GRM7: variants seen among roughly 807,000 people sequenced by gnomAD.
The protein encoded by GRM7 is metabotropic glutamate receptor 7.
In GRM7, 35 loss-of-function variants were observed where a neutral mutation model predicts 84.5. The ratio of observed to expected loss-of-function variants is 0.41; its 90% CI spans 0.32 to 0.55. GRM7 has a LOEUF of 0.55. Among genes scored for constraint, GRM7 ranks in the 20% least tolerant of loss-of-function variants. The pLI is 0.19. For synonymous variants in GRM7, 487 were observed against 455.1 expected (o/e 1.07, Z -0.89); for missense variants, 1,003 against 1,194.6 (o/e 0.84, Z 2.36).
At chr3:7,518,840 C>T (rs920834320) in intron 7 of GRM7, among the ~76,000 whole-genome samples, 2 of 152,180 alleles carry the variant, frequency 1.3e-5, no homozygotes, top group Non-Finnish European at 2.9e-5. Context: ...GAAAACTAGA[C>T]CTCTGATTAA....
In GRM7 at chr3:7,719,190, G is replaced by A. The variant is rs1457955602; in HGVS notation, c.2699-21167G>A. The stretch of plus-strand genomic sequence containing the variant: ...CCCTAGTAACACAACAACCCTGCTT[G>A]TCCTAGACAGCCTGGATATTAAGAA... On this transcript the variant is annotated intron_variant, in intron 9 of 9. Coordinates refer to ENST00000357716, the MANE Select transcript of GRM7 (RefSeq NM_000844.4). Among the ~76,000 whole-genome samples the A allele has an allele frequency of 1.3e-5, 2 of 152,078 alleles. 1 individual carries two copies. The highest frequency in any genetic ancestry group is 3.9e-4 in the East Asian group (2 of 5,178).
chr3:7,462,790 C>T (rs561793229), intron 7 of GRM7, among the ~76,000 whole-genome samples: 1 of 152,228 alleles, frequency 6.6e-6, no homozygotes, highest in South Asian at 2.1e-4. Context: ...GCACCATACA[C>T]ATGAACTGGC....
At chr3:7,030,852 A>G (rs944175186) in intron 1 of GRM7, among the ~76,000 whole-genome samples, 1 of 152,202 alleles carries the variant, frequency 6.6e-6, no homozygotes, top group Non-Finnish European at 1.5e-5. Flanking sequence ...ATTGTCTAAC[A>G]TCTATTATTT....
At chr3:6,897,623 C>A (rs548778643) in intron 1 of GRM7, among the ~76,000 whole-genome samples, 2 of 152,322 alleles carry the variant, frequency 1.3e-5, no homozygotes, top group Non-Finnish European at 2.9e-5. Context: ...TAAATGCTAG[C>A]TGTTACCATT....
chr3:7,564,743 A>C (rs894709141), intron 7 of GRM7, among the ~76,000 whole-genome samples: 36 of 152,150 alleles, frequency 2.4e-4, no homozygotes, highest in Non-Finnish European at 3.7e-4. Context: ...TAGTCTTCCT[A>C]CCTAATAAAC....
At chr3:7,375,053 A>G (rs1559276934) in intron 4 of GRM7, among the ~76,000 whole-genome samples, 1 of 152,102 alleles carries the variant, frequency 6.6e-6, no homozygotes, top group Non-Finnish European at 1.5e-5. Context: ...TCAGCTTCCT[A>G]GCAGATCTCC....
chr3:7,086,300 G>T (rs752913810), intron 1 of GRM7, among the ~76,000 whole-genome samples: 51 of 152,014 alleles, frequency 3.4e-4, no homozygotes, highest in Non-Finnish European at 2.8e-4. Context: ...GTATATGTGT[G>T]TATAAATCTG....
At chr3:7,484,637 A>G (rs1699255589) in intron 7 of GRM7, among the ~76,000 whole-genome samples, 1 of 152,232 alleles carries the variant, frequency 6.6e-6, no homozygotes, top group Non-Finnish European at 1.5e-5. Flanking sequence ...TGCCAGGCAC[A>G]GTTCTTAGAA....
chr3:7,661,524 G>A (rs1194481755), intron 8 of GRM7, among the ~76,000 whole-genome samples: 1 of 152,130 alleles, frequency 6.6e-6, no homozygotes, highest in Non-Finnish European at 1.5e-5. Flanking sequence ...GCCGGGCGCG[G>A]TGGCTCACGC....
At chr3:6,923,003 G>T (rs1697174814) in intron 1 of GRM7, among the ~76,000 whole-genome samples, 1 of 151,762 alleles carries the variant, frequency 6.6e-6, no homozygotes, top group South Asian at 2.1e-4. Context: ...TTCTTTTCTT[G>T]TTTTATTTTC....
At chr3:7,367,938 C>CA (rs56856057) in intron 4 of GRM7, among the ~76,000 whole-genome samples, 1,303 of 126,080 alleles carry the variant, frequency 0.01, 6 homozygotes, top group African/African-American at 0.024. Context: ...CATTAATCCT[C>CA]AAAAAAAAAA....
At chr3:7,103,906 G>A (rs1408533349) in intron 1 of GRM7, among the ~76,000 whole-genome samples, 1 of 147,372 alleles carries the variant, frequency 6.8e-6, no homozygotes, top group Non-Finnish European at 1.5e-5. Context: ...TTGTATTTAG[G>A]TCTGTAAATC....
chr3:6,895,813 T>C (rs1323171724), intron 1 of GRM7, among the ~76,000 whole-genome samples: 1 of 152,194 alleles, frequency 6.6e-6, no homozygotes, highest in Middle Eastern at 3.2e-3. Flanking sequence ...GCTTCATGAT[T>C]ACAACAACTG....
chr3:7,578,499 G>A lies in GRM7; in HGVS notation c.1593G>A (p.Gln531=), dbSNP rs1170782762. 2 of 1,614,030 alleles carry A rather than the reference G, an allele frequency of 1.2e-6. No individual in the cohort carries two copies. The highest frequency in any genetic ancestry group is 2.2e-5 in the East Asian group (1 of 44,870). ...SVCTLPCKPG[Q]RKKTQKGTPC... is the part of the protein sequence containing the mutation. ...GCACACTACCATGTAAGCCAGGACA[G>A]AGAAAGAAGACACAGAAAGGAACTC... is the stretch of plus-strand genomic sequence containing the variant. The change falls in exon 8 of 10, where the codon CAG becomes CAA. Residue 531 remains glutamine, a synonymous_variant. Coordinates refer to ENST00000357716, the MANE Select transcript of GRM7 (RefSeq NM_000844.4).
intron 1 of GRM7, among the ~76,000 whole-genome samples, chr3:6,966,858 G>A (rs1186684231): frequency 6.6e-6 from 1 of 152,116 alleles, no homozygotes; most frequent in African/African-American, 2.4e-5. Context: ...TATAAATCTT[G>A]GTCCTACCAT....
intron 7 of GRM7, among the ~76,000 whole-genome samples, chr3:7,493,250 G>T (rs1697592222): frequency 6.6e-6 from 1 of 151,904 alleles, no homozygotes; most frequent in Non-Finnish European, 1.5e-5. Flanking sequence ...GTTTAATACT[G>T]AACAGGAAAT....
At chr3:7,035,975 A>C (rs1696373274) in intron 1 of GRM7, among the ~76,000 whole-genome samples, 1 of 152,200 alleles carries the variant, frequency 6.6e-6, no homozygotes, top group Non-Finnish European at 1.5e-5. Flanking sequence ...CATTTTGTTT[A>C]TTATTGACAA....
chr3:7,081,985 AT>A (rs1178511985), intron 1 of GRM7, among the ~76,000 whole-genome samples: 1 of 152,168 alleles, frequency 6.6e-6, no homozygotes, highest in African/African-American at 2.4e-5. Context: ...GATCTTAAAA[AT>A]GCATTGCCAT....
chr3:6,968,715 GGA>G (rs1203615154), intron 1 of GRM7, among the ~76,000 whole-genome samples: 2 of 152,100 alleles, frequency 1.3e-5, no homozygotes, highest in African/African-American at 4.8e-5. Context: ...TTTGGGCTCA[GGA>G]GAGTTTTTTA....
Sources: allele counts gnomAD v4.1 joint callset (sites outside exome capture counted in the v4.1 genomes callset), GRCh38; gene constraint gnomAD v4.1.1; transcripts MANE v1.5; gene names NCBI Gene and HGNC (gene_info 2026-07-23, HGNC 2026-07-21).